Variants in UNC13C observed in about 807,000 individuals in gnomAD.
UNC13C encodes the protein unc-13 homolog C, also known as protein unc-13 homolog C.
In UNC13C, 174 loss-of-function variants were observed where a neutral mutation model predicts 245.4. The ratio of observed to expected loss-of-function variants is 0.71; its 90% CI spans 0.63 to 0.80. The LOEUF (loss-of-function observed/expected upper bound fraction) is 0.80. Among genes scored for constraint, UNC13C ranks in the 30% least tolerant of loss-of-function variants. The pLI is 0.00. For synonymous variants in UNC13C, 992 were observed against 895.1 expected (o/e 1.11, Z -1.93); for missense variants, 2,829 against 2,602.9 (o/e 1.09, Z -1.89).
the UNC13C span, among the ~76,000 whole-genome samples, chr15:53,844,322 G>A: frequency 6.6e-6 from 1 of 152,168 alleles, no homozygotes; most frequent in African/African-American, 2.4e-5. Context: ...AGAGTCCAAT[G>A]TCCATTAAAG....
chr15:54,167,897 A>G (rs1251203276), intron 4 of UNC13C, among the ~76,000 whole-genome samples: 2 of 152,192 alleles, frequency 1.3e-5, no homozygotes, highest in African/African-American at 4.8e-5. Flanking sequence ...GTTTTTAGAA[A>G]TATGAAAATC....
Position 54,567,794 on chromosome 15 carries a change from T to G in UNC13C, c.5959-6T>G, listed in dbSNP as rs770135998. 1.3e-6 allele frequency: 2 copies of G among 1,580,182 alleles called. No individual in the cohort carries two copies. The highest frequency in any genetic ancestry group is 2.3e-5 in the South Asian group (2 of 85,858). Reference sequence around the variant, plus strand: ...AATGCCTCGGCTTATTTTTTTTTCTTTGTAGCAATACTTTCATGCAGGAGG... The same window carrying G: ...AATGCCTCGGCTTATTTTTTTTTCTGTGTAGCAATACTTTCATGCAGGAGG... On this transcript the variant is annotated splice_region_variant and splice_polypyrimidine_tract_variant and intron_variant, in intron 29 of 32. Coordinates refer to ENST00000260323, the MANE Select transcript of UNC13C (RefSeq NM_001080534.3).
At chr15:54,282,979 G>A (rs1156524109) in intron 10 of UNC13C, among the ~76,000 whole-genome samples, 1 of 152,108 alleles carries the variant, frequency 6.6e-6, no homozygotes, top group South Asian at 2.1e-4. Flanking sequence ...TGCAAAAAAG[G>A]TTAAAGTGAA....
At chr15:54,459,124 A>G (rs1891696503) in intron 19 of UNC13C, among the ~76,000 whole-genome samples, 1 of 152,122 alleles carries the variant, frequency 6.6e-6, no homozygotes, top group African/African-American at 2.4e-5. Context: ...TGTCTGAAAA[A>G]GACTTTATCT....
At chr15:54,076,212 C>G (rs945087802) in intron 2 of UNC13C, among the ~76,000 whole-genome samples, 1 of 150,058 alleles carries the variant, frequency 6.7e-6, no homozygotes, top group Non-Finnish European at 1.5e-5. Flanking sequence ...CACCCACTAA[C>G]TCGTCATCTA....
chr15:54,589,362 A>C (rs1407367475), intron 30 of UNC13C, among the ~76,000 whole-genome samples: 6 of 127,704 alleles, frequency 4.7e-5, no homozygotes, highest in African/African-American at 1.8e-4. Flanking sequence ...GCAGTGGCAC[A>C]ATCTTGGCTG....
At chr15:54,042,854 G>GAAAAGA (rs141412468) in intron 2 of UNC13C, among the ~76,000 whole-genome samples, 14 of 150,524 alleles carry the variant, frequency 9.3e-5, no homozygotes, top group East Asian at 5.9e-4. Context: ...CTCTGTCTCA[G>GAAAAGA]AAAAGAAAAA....
intron 17 of UNC13C, among the ~76,000 whole-genome samples, chr15:54,363,177 C>T (rs375985996): frequency 1.6e-4 from 24 of 152,310 alleles, no homozygotes; most frequent in African/African-American, 5.1e-4. Flanking sequence ...GGCACGATCT[C>T]GGCTCACTGC....
chr15:54,236,830 A>G (rs1003497067), intron 6 of UNC13C, among the ~76,000 whole-genome samples: 12 of 152,206 alleles, frequency 7.9e-5, no homozygotes, highest in Non-Finnish European at 1.6e-4. Context: ...ATATGACCAG[A>G]TGGGTCTCAG....
At chr15:54,230,105 G>GATTTCATTTTATGTGAATATACACCCA (rs1271982782) in intron 4 of UNC13C, among the ~76,000 whole-genome samples, 2 of 52,412 alleles carry the variant, frequency 3.8e-5, no homozygotes, top group African/African-American at 1.5e-4. Context: ...TTTTTTCACT[G>GATTTCATTTTATGTGAATATACACCCA]TTGGTAGGAG....
At chr15:54,040,796 T>C (rs192886414) in intron 2 of UNC13C, among the ~76,000 whole-genome samples, 7 of 152,316 alleles carry the variant, frequency 4.6e-5, no homozygotes, top group African/African-American at 1.7e-4. Context: ...AACTGAGCCT[T>C]TGCTGTAGCT....
chr15:54,456,887 C>A (rs766904145), intron 19 of UNC13C, among the ~76,000 whole-genome samples: 50 of 151,920 alleles, frequency 3.3e-4, no homozygotes, highest in Non-Finnish European at 5.4e-4. Flanking sequence ...TCTTGTCTGT[C>A]TGCTCTGACT....
chr15:53,845,201 T>C, the UNC13C span, among the ~76,000 whole-genome samples: 1 of 151,790 alleles, frequency 6.6e-6, no homozygotes, highest in Non-Finnish European at 1.5e-5. Flanking sequence ...GGCATGCACC[T>C]GTAGTTCCAG....
chr15:54,055,329 C>G (rs757125177), intron 2 of UNC13C, among the ~76,000 whole-genome samples: 4 of 152,068 alleles, frequency 2.6e-5, no homozygotes, highest in Non-Finnish European at 4.4e-5. Context: ...TTAGTCTTGT[C>G]TTCTTTTCTG....
intron 16 of UNC13C, among the ~76,000 whole-genome samples, chr15:54,338,044 C>G (rs1019179796): frequency 6.6e-6 from 1 of 152,024 alleles, no homozygotes; most frequent in African/African-American, 2.4e-5. Context: ...TCATTCATTG[C>G]TGTATCACCA....
At chr15:54,387,963 A>G (rs1449668651) in intron 17 of UNC13C, among the ~76,000 whole-genome samples, 1 of 152,082 alleles carries the variant, frequency 6.6e-6, no homozygotes, top group Non-Finnish European at 1.5e-5. Flanking sequence ...CAAAGCACTT[A>G]TACACACACA....
the UNC13C span, among the ~76,000 whole-genome samples, chr15:53,877,863 T>G: frequency 4.6e-5 from 7 of 152,216 alleles, no homozygotes; most frequent in Non-Finnish European, 8.8e-5. Context: ...ACCTCGTAAC[T>G]ATGGGGATTT....
chr15:54,293,339 T>C (rs748004280), intron 10 of UNC13C, among the ~76,000 whole-genome samples: 1 of 151,976 alleles, frequency 6.6e-6, no homozygotes, highest in Non-Finnish European at 1.5e-5. Flanking sequence ...ACCTGGAAAT[T>C]AACGATGGAC....
intron 29 of UNC13C, among the ~76,000 whole-genome samples, chr15:54,565,402 A>C (rs577713247): frequency 9.2e-5 from 14 of 152,022 alleles, no homozygotes; most frequent in African/African-American, 2.9e-4. Context: ...GCTGTCAAGT[A>C]TTAAGGTGAC....
Sources: gnomAD v4.1 joint callset for allele counts (sites outside exome capture counted in the v4.1 genomes callset) on GRCh38, gnomAD v4.1.1 for gene constraint, MANE v1.5 for transcripts, NCBI Gene and HGNC (gene_info 2026-07-23, HGNC 2026-07-21) for gene names.